Variants in LRRC28 observed in about 807,000 individuals in gnomAD.
LRRC28 encodes leucine-rich repeat-containing protein 28.
Under a neutral mutation model 45.7 loss-of-function variants are expected in LRRC28, and 39 were observed. The ratio of observed to expected loss-of-function variants is 0.85; its 90% CI spans 0.66 to 1.12. The LOEUF is 1.12. Among genes scored for constraint, LRRC28 ranks in the 50% most tolerant of loss-of-function variants. The pLI, the probability that LRRC28 is intolerant of heterozygous loss-of-function variation, is 0.00. For synonymous variants in LRRC28, 206 were observed against 178.8 expected, an observed-to-expected ratio of 1.15 and a Z score of -1.22; for missense variants, 435 against 438.5, an observed-to-expected ratio of 0.99 and a Z score of 0.07.
At chr15:99,282,440 A>C (rs903694418) in intron 3 of LRRC28, among the ~76,000 whole-genome samples, 1 of 152,144 alleles carries the variant, frequency 6.6e-6, no homozygotes, top group African/African-American at 2.4e-5. Context: ...TTTCATGTAC[A>C]GTCATGCACA....
chr15:99,378,291 T>C (rs1224833804), intron 9 of LRRC28, among the ~76,000 whole-genome samples: 2 of 152,240 alleles, frequency 1.3e-5, no homozygotes, highest in Non-Finnish European at 1.5e-5. Flanking sequence ...AGGTATTTTA[T>C]TCTCTTTGAA....
At chr15:99,284,976 A>T in intron 3 of LRRC28, 1 of 630,226 alleles carries the variant, frequency 1.6e-6, no homozygotes, top group South Asian at 1.4e-5. Context: ...ACCACCATCA[A>T]AATTTCCAGA....
intron 2 of LRRC28, chr15:99,258,412 T>C: frequency 2.1e-6 from 2 of 956,396 alleles, no homozygotes; most frequent in Non-Finnish European, 3.4e-6. Flanking sequence ...TGGATACAAT[T>C]AAAAATCTCA....
intron 5 of LRRC28, among the ~76,000 whole-genome samples, chr15:99,310,551 C>T (rs1179697583): frequency 6.6e-6 from 1 of 152,088 alleles, no homozygotes; most frequent in Admixed American, 6.6e-5. Context: ...AGGGTGTAAC[C>T]CTCTCCTTAT....
intron 2 of LRRC28, among the ~76,000 whole-genome samples, chr15:99,267,296 G>A (rs1313742125): frequency 6.6e-6 from 1 of 152,160 alleles, no homozygotes. Flanking sequence ...GTAGTAGTAG[G>A]ATCTGGATCA....
intron 9 of LRRC28, among the ~76,000 whole-genome samples, chr15:99,365,497 A>C (rs1283717732): frequency 6.6e-6 from 1 of 152,232 alleles, no homozygotes; most frequent in African/African-American, 2.4e-5. Context: ...GATTGTATTA[A>C]AAGCACCGGC....
At chr15:99,376,105 C>T (rs1434504730) in intron 9 of LRRC28, among the ~76,000 whole-genome samples, 1 of 151,998 alleles carries the variant, frequency 6.6e-6, no homozygotes, top group African/African-American at 2.4e-5. Context: ...ATAAATTTCC[C>T]TCAGCACTAC....
At chr15:99,311,804 C>T (rs758403961) in intron 5 of LRRC28, among the ~76,000 whole-genome samples, 20 of 152,068 alleles carry the variant, frequency 1.3e-4, no homozygotes, top group Non-Finnish European at 1.9e-4. Context: ...TATGATCTAT[C>T]GGATATGGTA....
At chr15:99,340,504 T>G (rs1956472369) in intron 6 of LRRC28, among the ~76,000 whole-genome samples, 1 of 152,244 alleles carries the variant, frequency 6.6e-6, no homozygotes, top group Non-Finnish European at 1.5e-5. Context: ...TGAAACGAGT[T>G]GGAAACCAGT....
At chr15:99,318,275 A>C (rs1027995805) in intron 5 of LRRC28, among the ~76,000 whole-genome samples, 1 of 149,566 alleles carries the variant, frequency 6.7e-6, no homozygotes, top group African/African-American at 2.5e-5. Flanking sequence ...AGGAAACTCA[A>C]ATTTTTAGAA....
intron 6 of LRRC28, among the ~76,000 whole-genome samples, chr15:99,350,184 C>CA (rs1349157167): frequency 2.6e-5 from 4 of 151,324 alleles, no homozygotes; most frequent in African/African-American, 9.7e-5. Context: ...AAAACAATGT[C>CA]AAGATACCTT....
chr15:99,298,012 G>C (rs1229772682), intron 5 of LRRC28, among the ~76,000 whole-genome samples: 1 of 151,368 alleles, frequency 6.6e-6, no homozygotes, highest in Admixed American at 6.6e-5. Flanking sequence ...AAACTTGCCA[G>C]ATATCTAAAA....
intron 6 of LRRC28, among the ~76,000 whole-genome samples, chr15:99,339,607 T>A (rs1005812728): frequency 9.9e-5 from 15 of 151,966 alleles, no homozygotes; most frequent in Non-Finnish European, 2.1e-4. Context: ...GGCAGACACT[T>A]GCAATCCCAG....
intron 5 of LRRC28, among the ~76,000 whole-genome samples, chr15:99,291,279 G>A (rs1223875582): frequency 6.6e-6 from 1 of 152,048 alleles, no homozygotes; most frequent in Non-Finnish European, 1.5e-5. Flanking sequence ...TGCTTGTTTT[G>A]AGTAAAATTA....
chr15:99,306,981 C>T (rs898192944), intron 5 of LRRC28, among the ~76,000 whole-genome samples: 2 of 152,196 alleles, frequency 1.3e-5, no homozygotes, highest in Non-Finnish European at 2.9e-5. Context: ...GATTAGCCTG[C>T]TGCTTTTCTC....
Position 99,287,294 on chromosome 15 carries a change from G to T in LRRC28, c.247G>T (p.Ala83Ser). 1 of 1,552,216 alleles carries T rather than the reference G, an allele frequency of 6.4e-7. No individual in the cohort carries two copies. Among genetic ancestry groups the T allele is most frequent in the Non-Finnish European group, 8.7e-7 (1 of 1,152,440 alleles). The change falls in exon 4 of 10, where the codon GCC becomes TCC. Residue 83 changes from alanine (A) to serine (S), a missense_variant and splice_region_variant. Coordinates refer to ENST00000301981, the MANE Select transcript of LRRC28 (RefSeq NM_144598.5). The stretch of plus-strand genomic sequence containing the variant: ...AAATAACATAGTTGTGGTTCCGGAA[G>T]GTATGTTTAACTTAAAAATTTTAGT... The part of the protein sequence containing the change: ...HSNNIVVVPE[A>S]IGSLVKLQCL...
At chr15:99,253,270 G>A (rs780414617) in intron 1 of LRRC28, among the ~76,000 whole-genome samples, 1 of 152,040 alleles carries the variant, frequency 6.6e-6, no homozygotes, top group Non-Finnish European at 1.5e-5. Context: ...ACAGGCGCCC[G>A]CCACCAAACC....
chr15:99,296,423 C>T (rs774222264), intron 5 of LRRC28, among the ~76,000 whole-genome samples: 1 of 152,198 alleles, frequency 6.6e-6, no homozygotes, highest in Non-Finnish European at 1.5e-5. Context: ...CTTCACCCCA[C>T]GTTACCCTCC....
intron 2 of LRRC28, among the ~76,000 whole-genome samples, chr15:99,267,509 G>T (rs957674658): frequency 4.6e-5 from 7 of 152,196 alleles, no homozygotes; most frequent in Non-Finnish European, 1.0e-4. Flanking sequence ...TGCTGCTAGG[G>T]TGCAGGGCCT....
Sources: gnomAD v4.1 joint callset for allele counts (sites outside exome capture counted in the v4.1 genomes callset) on GRCh38, gnomAD v4.1.1 for gene constraint, MANE v1.5 for transcripts, NCBI Gene and HGNC (gene_info 2026-07-23, HGNC 2026-07-21) for gene names.